SCFD2: variants seen among roughly 807,000 people sequenced by gnomAD.
SCFD2 encodes the protein sec1 family domain containing 2.
SCFD2 carries 54 observed loss-of-function variants against 58.9 expected under a neutral mutation model. The ratio of observed to expected loss-of-function variants is 0.92; its 90% confidence interval spans 0.74 to 1.15. SCFD2 has a LOEUF of 1.15. Among genes scored for constraint, SCFD2 ranks in the 50% most tolerant of loss-of-function variants. The pLI, the probability that SCFD2 is intolerant of heterozygous loss-of-function variation, is 0.00. For synonymous variants in SCFD2, 321 were observed against 335.9 expected (o/e 0.96, Z 0.49); for missense variants, 805 against 836.6 (o/e 0.96, Z 0.47).
At position 53,343,188 on chromosome 4, in the gene SCFD2, A is replaced by T. The variant is rs1383540482; in HGVS notation, c.1007+9410T>A. Among the ~76,000 whole-genome samples, 4 of 152,206 alleles carry T rather than the reference A, an allele frequency of 2.6e-5. No homozygotes were observed. In the East Asian group the frequency reaches 7.7e-4, roughly 29 times the overall value. On this transcript the variant is annotated intron_variant, in intron 2 of 8. Coordinates refer to ENST00000401642, the MANE Select transcript of SCFD2 (RefSeq NM_152540.4). Reference sequence around the variant, plus strand: ...ATCCAGGAGCTGGTTTTCTGAAAAGATCAACAAAATTGATAGACCGCTAAC... The same window carrying T: ...ATCCAGGAGCTGGTTTTCTGAAAAGTTCAACAAAATTGATAGACCGCTAAC...
At chr4:53,333,810 G>A (rs1733581811) in intron 2 of SCFD2, among the ~76,000 whole-genome samples, 1 of 135,628 alleles carries the variant, frequency 7.4e-6, no homozygotes, top group Non-Finnish European at 1.6e-5. Flanking sequence ...AGAGTGAACA[G>A]GCAACCTACA....
chr4:53,279,147 T>C (rs563854050), intron 3 of SCFD2, among the ~76,000 whole-genome samples: 3 of 152,360 alleles, frequency 2.0e-5, no homozygotes, highest in African/African-American at 4.8e-5. Context: ...CAGATTTACA[T>C]GGTTATTTAA....
chr4:53,291,267 C>T (rs1731830679), intron 3 of SCFD2, among the ~76,000 whole-genome samples: 1 of 151,914 alleles, frequency 6.6e-6, no homozygotes, highest in South Asian at 2.1e-4. Context: ...GAAATTTATC[C>T]CTGGCATGTA....
chr4:53,176,405 G>A (rs1315263382), intron 4 of SCFD2, among the ~76,000 whole-genome samples: 1 of 152,160 alleles, frequency 6.6e-6, no homozygotes, highest in Admixed American at 6.5e-5. Flanking sequence ...CTTTGGGAGT[G>A]AACTGCTGAG....
intron 4 of SCFD2, among the ~76,000 whole-genome samples, chr4:53,257,398 C>T (rs1215281152): frequency 1.3e-5 from 2 of 152,134 alleles, no homozygotes; most frequent in Admixed American, 6.5e-5. Flanking sequence ...GGCTGAGCCC[C>T]GCAGTGCTCT....
intron 4 of SCFD2, among the ~76,000 whole-genome samples, chr4:53,270,538 G>A (rs957011683): frequency 2.0e-5 from 3 of 152,186 alleles, no homozygotes; most frequent in Non-Finnish European, 4.4e-5. Flanking sequence ...GGTATCAAGT[G>A]TGGAAATGAA....
intron 4 of SCFD2, among the ~76,000 whole-genome samples, chr4:53,151,787 A>G (rs1313303350): frequency 6.6e-6 from 1 of 152,222 alleles, no homozygotes; most frequent in African/African-American, 2.4e-5. Context: ...TTTGGCTCAC[A>G]GTTCTGCAGG....
At chr4:53,317,426 T>TGA (rs1732899697) in intron 2 of SCFD2, among the ~76,000 whole-genome samples, 1 of 152,230 alleles carries the variant, frequency 6.6e-6, no homozygotes, top group Non-Finnish European at 1.5e-5. Context: ...GTTAAGTCAC[T>TGA]GCCTTTCTCT....
At chr4:53,198,032 G>A (rs959822411) in intron 4 of SCFD2, among the ~76,000 whole-genome samples, 2 of 151,960 alleles carry the variant, frequency 1.3e-5, no homozygotes, top group Non-Finnish European at 2.9e-5. Flanking sequence ...ACAAAATTCT[G>A]GGAGTTTGCG....
intron 5 of SCFD2, among the ~76,000 whole-genome samples, chr4:53,079,561 C>T (rs1270130117): frequency 6.6e-6 from 1 of 152,146 alleles, no homozygotes; most frequent in African/African-American, 2.4e-5. Context: ...TCTGCAATTA[C>T]TCTATGTGTG....
chr4:53,212,991 G>A (rs1728671433), intron 4 of SCFD2, among the ~76,000 whole-genome samples: 1 of 152,026 alleles, frequency 6.6e-6, no homozygotes, highest in African/African-American at 2.4e-5. Context: ...TATTCAGCCT[G>A]TATGTACGAA....
chr4:52,912,290 T>G (rs1205185131), intron 6 of SCFD2, among the ~76,000 whole-genome samples: 1 of 152,154 alleles, frequency 6.6e-6, no homozygotes, highest in Non-Finnish European at 1.5e-5. Flanking sequence ...TGGTTTAATA[T>G]TTTATCTAAA....
chr4:52,897,701 T>C (rs1259382742), intron 7 of SCFD2, among the ~76,000 whole-genome samples: 1 of 152,200 alleles, frequency 6.6e-6, no homozygotes, highest in Non-Finnish European at 1.5e-5. Context: ...CCTCTTTTTC[T>C]ATTGACTGGA....
At chr4:52,971,843 G>A (rs1248993035) in intron 5 of SCFD2, among the ~76,000 whole-genome samples, 2 of 152,208 alleles carry the variant, frequency 1.3e-5, no homozygotes, top group African/African-American at 4.8e-5. Flanking sequence ...CAAGCCAGAA[G>A]AGAGTGGGGG....
In SCFD2 at chr4:53,340,239, G is replaced by A. The variant is rs139644393; in HGVS notation, c.1007+12359C>T. 6.5e-3 allele frequency among the ~76,000 whole-genome samples: 984 copies of A among 152,252 alleles called. 4 individuals carry two copies. Among genetic ancestry groups the A allele is most frequent in the Middle Eastern group, 0.031 (9 of 294 alleles). On this transcript the variant is annotated intron_variant, in intron 2 of 8. Transcript: ENST00000401642. ...AGGGAAGCTGTGACAGACGGCACCTGGAAAATCGGGTCACTCCCACCCTAA... is the reference window on the plus strand; with the variant it reads ...AGGGAAGCTGTGACAGACGGCACCTAGAAAATCGGGTCACTCCCACCCTAA...
At chr4:53,109,306 C>A (rs1450199469) in intron 5 of SCFD2, among the ~76,000 whole-genome samples, 1 of 152,142 alleles carries the variant, frequency 6.6e-6, no homozygotes, top group Non-Finnish European at 1.5e-5. Flanking sequence ...AAAACCAGCA[C>A]AAGACAAGGA....
chr4:52,947,701 G>A (rs1350512317), intron 5 of SCFD2, among the ~76,000 whole-genome samples: 3 of 151,166 alleles, frequency 2.0e-5, no homozygotes, highest in African/African-American at 7.3e-5. Flanking sequence ...CTTAGCAAAT[G>A]GTGTTCGCAA....
intron 4 of SCFD2, among the ~76,000 whole-genome samples, chr4:53,160,159 G>C (rs1237835275): frequency 6.6e-6 from 1 of 152,196 alleles, no homozygotes; most frequent in East Asian, 1.9e-4. Flanking sequence ...GGCAGAGAAG[G>C]GGCCAGATCA....
At chr4:52,971,811 A>T (rs1457883867) in intron 5 of SCFD2, among the ~76,000 whole-genome samples, 3 of 152,220 alleles carry the variant, frequency 2.0e-5, no homozygotes, top group African/African-American at 7.2e-5. Flanking sequence ...GACTAACAGC[A>T]GATCTCTCCG....
Sources: gnomAD v4.1 joint callset for allele counts (sites outside exome capture counted in the v4.1 genomes callset) on GRCh38, gnomAD v4.1.1 for gene constraint, MANE v1.5 for transcripts, NCBI Gene and HGNC (gene_info 2026-07-23, HGNC 2026-07-21) for gene names.